The following STRIP1 variants were observed in gnomAD, a reference collection of about 807,000 sequenced individuals.
STRIP1 encodes striatin-interacting protein 1.
In STRIP1, 63 loss-of-function variants were observed where a neutral mutation model predicts 106.2. The observed-to-expected ratio is 0.59, with a 90% CI of 0.48 to 0.73. The LOEUF is 0.73. STRIP1 is among the 30% of genes least tolerant of loss of function. The pLI, the probability that STRIP1 is intolerant of heterozygous loss-of-function variation, is 0.00. For missense variants in STRIP1, 857 were observed against 1,074.8 expected, an observed-to-expected ratio of 0.80 and a Z score of 2.83; for synonymous variants, 390 against 413.0, an observed-to-expected ratio of 0.94 and a Z score of 0.67.
At position 110,041,458 on chromosome 1, in the gene STRIP1, G is replaced by A. The variant is rs1445425463; in HGVS notation, c.651-78G>A. 1.0e-5 allele frequency: 10 copies of A among 976,734 alleles called. No individual in the cohort carries two copies. The East Asian group carries it at 1.2e-4, about 12-fold the overall frequency. The allele number at this position is 976,734 out of a possible 1,614,324, so 60.5% of individuals were successfully genotyped here. On this transcript the variant is annotated intron_variant, in intron 6 of 20. Transcript: ENST00000369795. ...TATTAATAGTAAGCCCCTGCTTTGTGTAAGCACTTTGTTAGACACTAGGGT... is the reference window on the plus strand; with the variant it reads ...TATTAATAGTAAGCCCCTGCTTTGTATAAGCACTTTGTTAGACACTAGGGT...
chr1:110,047,567 C>T lies in STRIP1; in HGVS notation c.1514C>T (p.Pro505Leu). The stretch of plus-strand genomic sequence containing the variant: ...GGAGAAGAAGAAGTTGAGCAAGTCC[C>T]TGCAGAAACCCTCTACCAAGGCTTG... ...SGGEEEVEQV[P>L]AETLYQGLLP... The change falls in exon 14 of 21, where the codon CCT becomes CTT. Residue 505 changes from proline to leucine, a missense_variant. Coordinates refer to ENST00000369795, the MANE Select transcript of STRIP1 (RefSeq NM_033088.4). 6.2e-7 allele frequency: 1 copy of T among 1,612,174 alleles called. No homozygotes were observed. The highest frequency in any genetic ancestry group is 8.5e-7 in the Non-Finnish European group (1 of 1,179,144).
chr1:110,043,883 A>G (rs768670475), intron 10 of STRIP1, 27 bp downstream of exon 10: 31 of 1,602,380 alleles, frequency 1.9e-5, no homozygotes, highest in Non-Finnish European at 2.6e-6. Context: ...CAGAGCACTC[A>G]TAGTTCCTGA....
chr1:110,051,645 G>A (rs1262095388), intron 19 of STRIP1, 38 bp from the exon 20 acceptor site: 4 of 1,553,670 alleles, frequency 2.6e-6, no homozygotes, highest in South Asian at 1.2e-5. Context: ...ATTTATTTTT[G>A]TCTTCAACTT....
chr1:110,037,836 T>G, intron 1 of STRIP1, 55 bp from the exon 2 acceptor site: 1 of 1,248,832 alleles, frequency 8.0e-7, no homozygotes, highest in Non-Finnish European at 1.2e-6. Context: ...AAGCATGAGT[T>G]TCTTTGATAA....
At position 110,051,847 on chromosome 1, in the gene STRIP1, G is replaced by A. The variant is rs1475057750; in HGVS notation, c.2226G>A (p.Lys742=). Residue 742 remains lysine, a synonymous_variant, in exon 20 of 21, where the codon AAG becomes AAA. Transcript: ENST00000369795. ...NMKTMSAIYQ[K]VRHRLNDDWA... ...AGACCATGTCTGCCATCTACCAGAA[G>A]GTGCGGCATCGGCTGAACGACGACT... The A allele has an allele frequency of 6.2e-7, 1 of 1,613,176 alleles. No individual in the cohort carries two copies. The highest frequency in any genetic ancestry group is 1.1e-5 in the South Asian group (1 of 91,034).
At chr1:110,049,063 A>C (rs375713775) in intron 15 of STRIP1, 49 bp from the exon 16 acceptor site, 22 of 1,610,986 alleles carry the variant, frequency 1.4e-5, no homozygotes, top group Non-Finnish European at 1.8e-5. Flanking sequence ...GCACCTAGAA[A>C]TGAGGTACTG....
At chr1:110,050,155 A>G in intron 17 of STRIP1, 188 bp from the exon 18 acceptor site, 1 of 593,006 alleles carries the variant, frequency 1.7e-6, no homozygotes, top group Non-Finnish European at 3.0e-6. Flanking sequence ...GGTGCTTTAC[A>G]AGTTCTCTTG....
Position 110,054,430 on chromosome 1 carries a change from A to G in STRIP1, c.*518A>G, listed in dbSNP as rs1252422575. 6.5e-6 allele frequency: 1 copy of G among 154,660 alleles called. No homozygotes were observed. The highest frequency in any genetic ancestry group is 1.4e-5 in the Non-Finnish European group (1 of 69,410). The allele number at this position is 154,660 out of a possible 1,614,324, so 9.6% of individuals were successfully genotyped here. On this transcript the variant is annotated 3_prime_UTR_variant, in exon 21 of 21. Coordinates refer to ENST00000369795, the MANE Select transcript of STRIP1 (RefSeq NM_033088.4). ...CTCCTGCTACATTATATCCAGAAGT[A>G]ATTGCGGAGGCTCCTTCAGCTGCCT...
intron 8 of STRIP1, 90 bp downstream of exon 8, chr1:110,041,951 G>A: frequency 7.1e-7 from 1 of 1,402,558 alleles, no homozygotes; most frequent in Non-Finnish European, 9.8e-7. Context: ...ATTGAATTAT[G>A]TGACTGTAAA....
chr1:110,046,235 C>T (rs759460851), intron 12 of STRIP1, among the ~76,000 whole-genome samples: 42 of 152,280 alleles, frequency 2.8e-4, no homozygotes, highest in Admixed American at 7.2e-4. Flanking sequence ...CATGGTGGCT[C>T]ACGCCTATAA....
At chr1:110,046,150 T>G (rs1570923535) in intron 12 of STRIP1, among the ~76,000 whole-genome samples, 2 of 152,360 alleles carry the variant, frequency 1.3e-5, no homozygotes, top group Admixed American at 1.3e-4. Context: ...ATTTACTTTT[T>G]TCTTATCTAC....
intron 5 of STRIP1, 79 bp from the exon 6 acceptor site, chr1:110,040,556 C>G: frequency 7.3e-7 from 1 of 1,367,850 alleles, no homozygotes; most frequent in Non-Finnish European, 1.0e-6. Context: ...ATTTTGTTTC[C>G]CCATTGGTCA....
chr1:110,034,854 G>A, intron 1 of STRIP1, 37 bp downstream of exon 1: 1 of 1,375,762 alleles, frequency 7.3e-7, no homozygotes, highest in Non-Finnish European at 9.4e-7. Flanking sequence ...GCACCGGGTC[G>A]GGCGGCGCCG....
intron 1 of STRIP1, among the ~76,000 whole-genome samples, chr1:110,036,716 A>G (rs1557786649): frequency 6.6e-6 from 1 of 152,226 alleles, no homozygotes; most frequent in Admixed American, 6.5e-5. Flanking sequence ...GATTTTCATC[A>G]TTGCCATTCA....
rs1653203175 is a variant in STRIP1, at chr1:110,049,715, T to C, written c.1889+155T>C. 2.2e-5 allele frequency: 13 copies of C among 604,024 alleles called. No homozygotes were observed. In the South Asian group the frequency reaches 2.6e-4, roughly 12 times the overall value. The allele number at this position is 604,024 out of a possible 1,614,324, so 37.4% of individuals were successfully genotyped here. ...ATAAATGAGACATGGCCTCTGCCTG[T>C]GGAGAGCCCACTGTGTCAAATCTGA... On this transcript the variant is annotated intron_variant, in intron 17 of 20. Transcript: ENST00000369795.
chr1:110,041,368 A>C, intron 6 of STRIP1, 168 bp from the exon 7 acceptor site: 1 of 572,626 alleles, frequency 1.7e-6, no homozygotes, highest in Non-Finnish European at 3.1e-6. Flanking sequence ...TTTTCTTTTC[A>C]GGAAGCTTAG....
At chr1:110,050,065 G>A (rs1030202369) in intron 17 of STRIP1, 6 of 461,390 alleles carry the variant, frequency 1.3e-5, no homozygotes, top group Admixed American at 7.5e-5. Flanking sequence ...CTCCTCCCCC[G>A]CCCCACATTG....
intron 15 of STRIP1, 123 bp downstream of exon 15, chr1:110,047,992 G>T: frequency 1.2e-6 from 1 of 826,618 alleles, no homozygotes; most frequent in South Asian, 1.7e-5. Context: ...AGGTATTTTT[G>T]ACCCAAAAAA....
chr1:110,043,886 G>T (rs774469137), intron 10 of STRIP1, 30 bp downstream of exon 10: 1 of 1,599,718 alleles, frequency 6.3e-7, no homozygotes, highest in Non-Finnish European at 8.6e-7. Context: ...AGCACTCATA[G>T]TTCCTGAGGC....
Sources: gnomAD v4.1 joint callset for allele counts (sites outside exome capture counted in the v4.1 genomes callset) on GRCh38, gnomAD v4.1.1 for gene constraint, MANE v1.5 for transcripts, NCBI Gene and HGNC (gene_info 2026-07-23, HGNC 2026-07-21) for gene names.